Variants in TOGARAM1 observed in about 807,000 individuals in gnomAD.
The protein encoded by TOGARAM1 is TOG array regulator of axonemal microtubules 1.
Under a neutral mutation model 166.6 loss-of-function variants are expected in TOGARAM1, and 100 were observed. The ratio of observed to expected loss-of-function variants is 0.60; its 90% CI spans 0.51 to 0.71. The LOEUF is 0.71. Among genes scored for constraint, TOGARAM1 ranks in the 30% least tolerant of loss-of-function variants. TOGARAM1 has a pLI of 0.00. For synonymous variants in TOGARAM1, 758 were observed against 763.8 expected (o/e 0.99, Z 0.13); for missense variants, 2,029 against 2,102.7 (o/e 0.96, Z 0.69).
At chr14:44,995,933 T>C in intron 2 of TOGARAM1, 31 bp downstream of exon 2, 1 of 1,567,936 alleles carries the variant, frequency 6.4e-7, no homozygotes, top group Middle Eastern at 1.7e-4. Flanking sequence ...ATGGTCATGT[T>C]GAACTAACAG....
rs757020173 is a variant in TOGARAM1, at chr14:45,009,126, C to T, written c.3118C>T (p.Pro1040Ser). 4 of 1,611,782 alleles carry T rather than the reference C, an allele frequency of 2.5e-6. No individual in the cohort carries two copies. Among genetic ancestry groups the T allele is most frequent in the Non-Finnish European group, 3.4e-6 (4 of 1,178,256 alleles). The stretch of plus-strand genomic sequence containing the variant: ...ATTGACTTCTTCTCTGTCTACAACT[C>T]CCCAGGGGAAGAGAATAATGTATTT... Reference protein sequence around the residue: ...ESLTSSLSTTPQGKRIMSDIF... With the variant: ...ESLTSSLSTTSQGKRIMSDIF... The change falls in exon 6 of 20, where the codon CCC (proline) becomes TCC (serine). Residue 1040 changes from proline to serine, a missense_variant. Physicochemically the swap from Pro to Ser is moderately conservative, Grantham distance 74. Coordinates refer to ENST00000361462, the MANE Select transcript of TOGARAM1 (RefSeq NM_001308120.2).
rs768699804 is a variant in TOGARAM1, at chr14:44,962,544, T to TA, written c.124dup (p.Met42AsnfsTer43). ...CCGATGATAGTCGAGTTGGGGGCATTATGAGAGGAGAGAAAAACTACTACT... is the reference window on the plus strand; with the variant it reads ...CCGATGATAGTCGAGTTGGGGGCATTAATGAGAGGAGAGAAAAACTACTACT... On this transcript the variant is annotated frameshift_variant, in exon 1 of 20. Transcript: ENST00000361462. LOFTEE classifies it high-confidence loss of function. 8 of 1,613,724 alleles carry TA rather than the reference T, an allele frequency of 5.0e-6. No homozygotes were observed. Among genetic ancestry groups the TA allele is most frequent in the Non-Finnish European group, 6.8e-6 (8 of 1,179,944 alleles).
chr14:45,025,954 T>C, intron 8 of TOGARAM1, 82 bp downstream of exon 8: 1 of 694,788 alleles, frequency 1.4e-6, no homozygotes. Context: ...TAGAAAAGAA[T>C]GTGATTCAAG....
chr14:45,065,611 TC>T (rs1205578292), intron 16 of TOGARAM1, among the ~76,000 whole-genome samples: 1 of 152,192 alleles, frequency 6.6e-6, no homozygotes, highest in Non-Finnish European at 1.5e-5. Flanking sequence ...CCATAATAAT[TC>T]CTGCTGGTCT....
At chr14:44,993,118 A>G (rs1314394377) in intron 1 of TOGARAM1, among the ~76,000 whole-genome samples, 1 of 151,316 alleles carries the variant, frequency 6.6e-6, no homozygotes, top group Non-Finnish European at 1.5e-5. Flanking sequence ...TAAAATAAAG[A>G]TAAATAAAAT....
chr14:45,061,990 A>G (rs1882921500), intron 16 of TOGARAM1, among the ~76,000 whole-genome samples: 1 of 152,170 alleles, frequency 6.6e-6, no homozygotes, highest in Admixed American at 6.5e-5. Context: ...GTCATTGAAC[A>G]TGCTCCATAG....
intron 6 of TOGARAM1, among the ~76,000 whole-genome samples, chr14:45,010,328 T>C (rs1324289949): frequency 1.3e-5 from 2 of 152,218 alleles, no homozygotes; most frequent in East Asian, 3.8e-4. Flanking sequence ...ACAGTTCCTT[T>C]GTTGTAATTA....
At chr14:44,987,911 A>T (rs1886925669) in intron 1 of TOGARAM1, among the ~76,000 whole-genome samples, 1 of 151,554 alleles carries the variant, frequency 6.6e-6, no homozygotes, top group Non-Finnish European at 1.5e-5. Flanking sequence ...TACACCATGG[A>T]ATACTATGCA....
chr14:44,964,384 G>A lies in TOGARAM1; in HGVS notation c.1963G>A (p.Gly655Arg), dbSNP rs576769837. The change falls in exon 1 of 20, where the codon GGA (glycine) becomes AGA (arginine). Residue 655 changes from glycine to arginine, a missense_variant. By Grantham distance (125) the Gly-to-Arg change is moderately radical (BLOSUM62 -2). This residue lies in a region of TOGARAM1 where 1,453 missense variants were observed against 1,432.2 expected (regional missense o/e 1.01). Transcript: ENST00000361462. ...CTRRVLSAGK[G>R]KNKLPWENEQ... ...CCGAAGGGTATTAAGTGCAGGAAAA[G>A]GAAAAAATAAATTACCATGGGAAAA... The A allele has an allele frequency of 9.9e-6, 16 of 1,610,308 alleles. No individual in the cohort carries two copies. Among genetic ancestry groups the A allele is most frequent in the Non-Finnish European group, 1.4e-5 (16 of 1,178,758 alleles).
In TOGARAM1 at chr14:44,984,063, T is replaced by C. The variant is rs957335726; in HGVS notation, c.2047-11683T>C. ...TAAGAATATTAATTGCTATTTTATT[T>C]TTCATGTGGAAATTGAATTTAAGAA... On this transcript the variant is annotated intron_variant, in intron 1 of 19. Coordinates refer to ENST00000361462, the MANE Select transcript of TOGARAM1 (RefSeq NM_001308120.2). Among the ~76,000 whole-genome samples the C allele has an allele frequency of 3.3e-5, 5 of 152,168 alleles. No homozygotes were observed. In the South Asian group the frequency reaches 8.3e-4, roughly 25 times the overall value.
In TOGARAM1 at chr14:44,964,279, C is replaced by T. The variant is rs1156921238; in HGVS notation, c.1858C>T (p.Gln620Ter). The T allele has an allele frequency of 6.2e-7, 1 of 1,614,020 alleles. No homozygotes were observed. Among genetic ancestry groups the T allele is most frequent in the East Asian group, 2.2e-5 (1 of 44,900 alleles). The change falls in exon 1 of 20, where the codon CAG (glutamine) becomes TAG (stop). Residue 620 changes from glutamine (Q) to a stop codon, truncating the protein, a stop_gained. Coordinates refer to ENST00000361462, the MANE Select transcript of TOGARAM1 (RefSeq NM_001308120.2). LOFTEE classifies it high-confidence loss of function. ...CTGGCTTTTGGCTGGTAACAGAACT[C>T]AGAGTGCACACTGTCACTGTGGTGA... ...TDWLLAGNRT[Q>*]SAHCHCGDHV...
At chr14:45,051,864 A>G (rs1346734098) in intron 14 of TOGARAM1, among the ~76,000 whole-genome samples, 1 of 152,056 alleles carries the variant, frequency 6.6e-6, no homozygotes. Flanking sequence ...CTGGCCACAG[A>G]TGCTTCTTAA....
chr14:45,019,387 C>T (rs1430920760), intron 7 of TOGARAM1, among the ~76,000 whole-genome samples: 2 of 152,060 alleles, frequency 1.3e-5, no homozygotes, highest in Admixed American at 6.6e-5. Flanking sequence ...AAAATACAGT[C>T]ATTATCTCTT....
chr14:45,007,599 C>A (rs1332696004), intron 5 of TOGARAM1: 1 of 151,940 alleles, frequency 6.6e-6, no homozygotes, highest in African/African-American at 2.4e-5. Context: ...AGAGAAGTGG[C>A]CCTAGTATTA....
intron 9 of TOGARAM1, among the ~76,000 whole-genome samples, chr14:45,027,720 A>G (rs934216141): frequency 2.0e-5 from 3 of 152,028 alleles, no homozygotes; most frequent in African/African-American, 7.3e-5. Flanking sequence ...AAAAATACAA[A>G]AATGTAGCTA....
At chr14:45,029,659 G>A (rs956369366) in intron 10 of TOGARAM1, among the ~76,000 whole-genome samples, 4 of 152,130 alleles carry the variant, frequency 2.6e-5, no homozygotes, top group African/African-American at 9.7e-5. Context: ...TACTCAAAGT[G>A]TGTTTCATAG....
intron 1 of TOGARAM1, among the ~76,000 whole-genome samples, chr14:44,971,366 T>C (rs1356612926): frequency 1.3e-5 from 2 of 152,170 alleles, no homozygotes; most frequent in African/African-American, 2.4e-5. Flanking sequence ...ATTCCTTTAT[T>C]ATCCTTTTAA....
intron 1 of TOGARAM1, among the ~76,000 whole-genome samples, chr14:44,982,544 G>A (rs1490479098): frequency 2.6e-5 from 4 of 152,158 alleles, no homozygotes; most frequent in African/African-American, 9.7e-5. Flanking sequence ...ATGTGGGCAC[G>A]AGGTCTGTAG....
chr14:45,052,996 C>T (rs1882447894), intron 15 of TOGARAM1, among the ~76,000 whole-genome samples: 1 of 149,084 alleles, frequency 6.7e-6, no homozygotes. Context: ...CACTGCAGAA[C>T]ATTTTTAGGG....
Sources: allele counts gnomAD v4.1 joint callset (sites outside exome capture counted in the v4.1 genomes callset), GRCh38; gene constraint gnomAD v4.1.1; regional missense constraint gnomAD v4.1.1; transcripts MANE v1.5; gene names NCBI Gene and HGNC (gene_info 2026-07-23, HGNC 2026-07-21).